LRRTM4: variants seen among roughly 807,000 people sequenced by gnomAD.
LRRTM4 encodes the protein leucine-rich repeat transmembrane neuronal protein 4.
In LRRTM4, 25 loss-of-function variants were observed where a neutral mutation model predicts 47.6. The ratio of observed to expected loss-of-function variants is 0.53; its 90% CI spans 0.38 to 0.73. LRRTM4 has a LOEUF of 0.73. Among genes scored for constraint, LRRTM4 ranks in the 30% least tolerant of loss-of-function variants. LRRTM4 has a pLI of 0.00. For missense variants in LRRTM4, 638 were observed against 713.4 expected (o/e 0.89, Z 1.20); for synonymous variants, 311 against 269.5 (o/e 1.15, Z -1.51).
intron 3 of LRRTM4, among the ~76,000 whole-genome samples, chr2:76,814,163 A>G (rs1670829674): frequency 6.6e-6 from 1 of 152,122 alleles, no homozygotes; most frequent in Non-Finnish European, 1.5e-5. Context: ...TTGGTAAAAT[A>G]CCATTTTCAT....
chr2:76,931,327 C>A (rs1451961885), intron 3 of LRRTM4, among the ~76,000 whole-genome samples: 1 of 152,138 alleles, frequency 6.6e-6, no homozygotes, highest in Non-Finnish European at 1.5e-5. Context: ...ATACTCATGA[C>A]TATCAACATT....
At chr2:77,297,450 A>G (rs1224461801) in intron 3 of LRRTM4, among the ~76,000 whole-genome samples, 1 of 152,218 alleles carries the variant, frequency 6.6e-6, no homozygotes, top group Admixed American at 6.5e-5. Context: ...TAGAAGCATT[A>G]TCTATAAAGA....
rs547905286 is a variant in LRRTM4, at chr2:77,221,895, G to C, written c.1551+296423C>G. Among the ~76,000 whole-genome samples, 9 of 152,268 alleles carry C rather than the reference G, an allele frequency of 5.9e-5. No homozygotes were observed. In the East Asian group the frequency reaches 1.4e-3, roughly 23 times the overall value. ...CAGAACTCTCCACCCCAAATCAACAGAATATACATTCTTTTCAGCACCACA... is the reference window on the plus strand; with the variant it reads ...CAGAACTCTCCACCCCAAATCAACACAATATACATTCTTTTCAGCACCACA... On this transcript the variant is annotated intron_variant, in intron 3 of 3. Coordinates refer to ENST00000409884, the MANE Select transcript of LRRTM4 (RefSeq NM_001134745.3).
chr2:77,114,754 G>A (rs1410537597), intron 3 of LRRTM4, among the ~76,000 whole-genome samples: 1 of 152,182 alleles, frequency 6.6e-6, no homozygotes, highest in Non-Finnish European at 1.5e-5. Flanking sequence ...GTGACCCCGA[G>A]CTGCAAAACC....
chr2:77,018,345 T>C (rs1407474608), intron 3 of LRRTM4, among the ~76,000 whole-genome samples: 1 of 150,956 alleles, frequency 6.6e-6, no homozygotes, highest in East Asian at 2.0e-4. Context: ...ACTTCTTTGA[T>C]ACCAGCAGGA....
intron 3 of LRRTM4, among the ~76,000 whole-genome samples, chr2:76,804,638 T>C (rs984871886): frequency 3.2e-5 from 4 of 124,560 alleles, no homozygotes; most frequent in African/African-American, 8.7e-5. Flanking sequence ...TGTACATATA[T>C]ATACTATATA....
intron 3 of LRRTM4, among the ~76,000 whole-genome samples, chr2:76,775,810 G>C (rs1275512347): frequency 6.6e-6 from 1 of 151,794 alleles, no homozygotes; most frequent in Non-Finnish European, 1.5e-5. Flanking sequence ...ATATTGTGCA[G>C]GTTAGTTACA....
intron 3 of LRRTM4, among the ~76,000 whole-genome samples, chr2:76,769,955 T>G (rs551266531): frequency 1.3e-5 from 2 of 152,318 alleles, no homozygotes; most frequent in Non-Finnish European, 2.9e-5. Flanking sequence ...TATAAATCAT[T>G]TATCCCCATC....
chr2:77,140,502 C>T (rs56038603), intron 3 of LRRTM4, among the ~76,000 whole-genome samples: 1 of 151,962 alleles, frequency 6.6e-6, no homozygotes, highest in Non-Finnish European at 1.5e-5. Context: ...TTACATGTTA[C>T]ACCTAAAACC....
chr2:76,845,589 A>C lies in LRRTM4; in HGVS notation c.1552-96673T>G, dbSNP rs141781911. Among the ~76,000 whole-genome samples the C allele has an allele frequency of 1.6e-3, 246 of 152,300 alleles. 1 individual carries two copies. The highest frequency in any genetic ancestry group is 5.7e-3 in the African/African-American group (236 of 41,574). On this transcript the variant is annotated intron_variant, in intron 3 of 3. Transcript: ENST00000409884. The stretch of plus-strand genomic sequence containing the variant: ...GACCTGGTCCTGTGAGCTCCCAGGT[A>C]GAGGGGAGCACTGAGAACACTAAAA...
chr2:76,962,506 AGT>A (rs1053058047), intron 3 of LRRTM4, among the ~76,000 whole-genome samples: 2 of 151,000 alleles, frequency 1.3e-5, no homozygotes, highest in Non-Finnish European at 3.0e-5. Context: ...AAATAATGAA[AGT>A]GTATTTTTTT....
chr2:77,100,955 C>G (rs1208070585), intron 3 of LRRTM4, among the ~76,000 whole-genome samples: 1 of 151,154 alleles, frequency 6.6e-6, no homozygotes, highest in Non-Finnish European at 1.5e-5. Context: ...TCTGCCTCAG[C>G]CTCCCAAGTA....
In LRRTM4 at chr2:76,853,051, A is replaced by T. The variant is rs11894844; in HGVS notation, c.1552-104135T>A. Reference sequence around the variant, plus strand: ...AATATAGAGAGATGAGACTGACTTTATAACTTGGTACCTGTCAAAAGTTTT... The same window carrying T: ...AATATAGAGAGATGAGACTGACTTTTTAACTTGGTACCTGTCAAAAGTTTT... On this transcript the variant is annotated intron_variant, in intron 3 of 3. Coordinates refer to ENST00000409884, the MANE Select transcript of LRRTM4 (RefSeq NM_001134745.3). Among the ~76,000 whole-genome samples, 1,037 of 152,290 alleles carry T rather than the reference A, an allele frequency of 6.8e-3. 8 individuals carry two copies. Among genetic ancestry groups the T allele is most frequent in the African/African-American group, 0.022 (921 of 41,574 alleles).
Position 77,456,808 on chromosome 2 carries a change from C to A in LRRTM4, c.1551+61510G>T, listed in dbSNP as rs568276555. ...CTTAACATTTATCAGTTATTTACAG[C>A]CTTCTACTGAAATACTTTCTTCTCT... On this transcript the variant is annotated intron_variant, in intron 3 of 3. Coordinates refer to ENST00000409884, the MANE Select transcript of LRRTM4 (RefSeq NM_001134745.3). Among the ~76,000 whole-genome samples the A allele has an allele frequency of 9.9e-5, 15 of 151,706 alleles. No homozygotes were observed. The East Asian group carries it at 2.9e-3, about 29-fold the overall frequency.
Position 76,917,210 on chromosome 2 carries a change from C to T in LRRTM4, c.1552-168294G>A, listed in dbSNP as rs544871048. On this transcript the variant is annotated intron_variant, in intron 3 of 3. Coordinates refer to ENST00000409884, the MANE Select transcript of LRRTM4 (RefSeq NM_001134745.3). ...ATATGCAAATGAATAAACATGGCTACATTGTTTTAAATCTTGGTTTACAAA... is the reference window on the plus strand; with the variant it reads ...ATATGCAAATGAATAAACATGGCTATATTGTTTTAAATCTTGGTTTACAAA... Among the ~76,000 whole-genome samples the T allele has an allele frequency of 1.7e-4, 26 of 152,262 alleles. 1 individual carries two copies. Among genetic ancestry groups the T allele is most frequent in the East Asian group, 1.5e-3 (8 of 5,178 alleles).
chr2:77,063,112 G>A (rs1346504304), intron 3 of LRRTM4, among the ~76,000 whole-genome samples: 1 of 147,686 alleles, frequency 6.8e-6, no homozygotes, highest in East Asian at 2.0e-4. Flanking sequence ...ATGCCACCAT[G>A]CCCAGCTAAT....
intron 3 of LRRTM4, among the ~76,000 whole-genome samples, chr2:77,382,154 T>C (rs1673079364): frequency 1.3e-5 from 2 of 152,094 alleles, no homozygotes; most frequent in Admixed American, 1.3e-4. Flanking sequence ...TCTGAATATT[T>C]TTCTATACTG....
At chr2:77,155,988 T>C (rs1053751782) in intron 3 of LRRTM4, among the ~76,000 whole-genome samples, 2 of 152,110 alleles carry the variant, frequency 1.3e-5, no homozygotes, top group African/African-American at 4.8e-5. Flanking sequence ...TGCTGAAACA[T>C]CAGATTGTAC....
chr2:77,327,527 C>T (rs2104242590), intron 3 of LRRTM4, among the ~76,000 whole-genome samples: 1 of 152,166 alleles, frequency 6.6e-6, no homozygotes, highest in Admixed American at 6.5e-5. Context: ...TTCAAATTCC[C>T]TGTAGGTAAG....
Sources: allele counts gnomAD v4.1 joint callset (sites outside exome capture counted in the v4.1 genomes callset), GRCh38; gene constraint gnomAD v4.1.1; transcripts MANE v1.5; gene names NCBI Gene and HGNC (gene_info 2026-07-23, HGNC 2026-07-21).